RIPOR2: variants seen among roughly 807,000 people sequenced by gnomAD.
RIPOR2 encodes the protein rho family-interacting cell polarization regulator 2.
RIPOR2 carries 39 observed loss-of-function variants against 114.5 expected under a neutral mutation model. That is an observed-to-expected ratio of 0.34 (90% CI 0.26 to 0.44). The LOEUF (loss-of-function observed/expected upper bound fraction) is 0.44, where lower values mean the gene tolerates loss of function less well. RIPOR2 is among the 20% of genes least tolerant of loss of function. The pLI is 1.00. For missense variants in RIPOR2, 1,007 were observed against 1,255.1 expected (o/e 0.80, Z 2.99); for synonymous variants, 445 against 484.4 (o/e 0.92, Z 1.07).
chr6:25,038,729 C>T (rs1777354388), intron 1 of RIPOR2, among the ~76,000 whole-genome samples: 1 of 152,178 alleles, frequency 6.6e-6, no homozygotes, highest in Non-Finnish European at 1.5e-5. Context: ...AGACCCTGAG[C>T]AGAGAATCCA....
intron 1 of RIPOR2, among the ~76,000 whole-genome samples, chr6:24,927,406 CAACTAT>C (rs1561783364): frequency 6.6e-6 from 1 of 151,088 alleles, no homozygotes; most frequent in African/African-American, 2.4e-5. Flanking sequence ...ACCACCACCA[CAACTAT>C]AACTATCACC....
At chr6:24,836,514 T>C (rs1761127338) in intron 14 of RIPOR2, among the ~76,000 whole-genome samples, 1 of 152,204 alleles carries the variant, frequency 6.6e-6, no homozygotes, top group African/African-American at 2.4e-5. Flanking sequence ...CTTGCATTGA[T>C]TATCTAATTT....
intron 8 of RIPOR2, among the ~76,000 whole-genome samples, chr6:24,854,033 C>T (rs1429404958): frequency 6.6e-6 from 1 of 150,654 alleles, no homozygotes; most frequent in Non-Finnish European, 1.5e-5. Flanking sequence ...GTGGGAGGAT[C>T]GCTTGAGCCC....
At chr6:25,004,271 G>GA (rs1313727492) in intron 1 of RIPOR2, among the ~76,000 whole-genome samples, 1 of 152,044 alleles carries the variant, frequency 6.6e-6, no homozygotes, top group Non-Finnish European at 1.5e-5. Flanking sequence ...GATGGATATG[G>GA]AAAAAAAGAA....
intron 1 of RIPOR2, chr6:25,041,797 G>A: frequency 4.4e-6 from 3 of 688,048 alleles, no homozygotes; most frequent in East Asian, 2.7e-5. Context: ...GTGTGTTGCG[G>A]GAAAGTGTGG....
intron 7 of RIPOR2, among the ~76,000 whole-genome samples, chr6:24,862,684 A>G (rs1215232098): frequency 6.6e-6 from 1 of 152,180 alleles, no homozygotes; most frequent in East Asian, 1.9e-4. Context: ...GTTTCCAGAC[A>G]TATCAACTAT....
Position 24,850,653 on chromosome 6 carries a change from A to G in RIPOR2, c.829T>C (p.Trp277Arg). Residue 277 changes from tryptophan to arginine, a missense_variant, in exon 10 of 22, where the codon TGG (tryptophan) becomes CGG (arginine). By Grantham distance (101) the Trp-to-Arg change is moderately radical (BLOSUM62 -3). Coordinates refer to ENST00000643898, the MANE Select transcript of RIPOR2 (RefSeq NM_001286445.3). ...GKIEVNGKQS[W>R]DGEETVFLPL... ...AGAAAAACTGTTTCTTCTCCATCCCAGCTCTGCTTGCCATTTACTTCTATT... is the reference window on the plus strand; with the variant it reads ...AGAAAAACTGTTTCTTCTCCATCCCGGCTCTGCTTGCCATTTACTTCTATT... 6.2e-7 allele frequency: 1 copy of G among 1,613,918 alleles called. No homozygotes were observed. Among genetic ancestry groups the G allele is most frequent in the Non-Finnish European group, 8.5e-7 (1 of 1,179,844 alleles).
chr6:24,826,866 G>A (rs1581503154), intron 18 of RIPOR2, among the ~76,000 whole-genome samples: 1 of 151,590 alleles, frequency 6.6e-6, no homozygotes, highest in Non-Finnish European at 1.5e-5. Flanking sequence ...TAAGAGGAGA[G>A]ATTGGAATTT....
intron 1 of RIPOR2, among the ~76,000 whole-genome samples, chr6:24,972,089 C>G (rs183249662): frequency 6.6e-6 from 1 of 152,216 alleles, no homozygotes; most frequent in East Asian, 1.9e-4. Context: ...CTTGATAGAA[C>G]CAAAACGTTT....
At chr6:24,916,028 A>G (rs1451206613) in intron 1 of RIPOR2, among the ~76,000 whole-genome samples, 1 of 152,238 alleles carries the variant, frequency 6.6e-6, no homozygotes, top group Non-Finnish European at 1.5e-5. Flanking sequence ...TGTTGCCAGT[A>G]GAGAACTCAG....
At chr6:24,870,802 C>T (rs1765087982) in intron 5 of RIPOR2, 64 bp downstream of exon 5, 2 of 1,268,448 alleles carry the variant, frequency 1.6e-6, no homozygotes, top group Non-Finnish European at 2.3e-6. Context: ...GCGTGAGCCA[C>T]CGTGCCCAGC....
intron 1 of RIPOR2, among the ~76,000 whole-genome samples, chr6:24,941,209 G>A (rs1272422458): frequency 2.6e-5 from 4 of 152,040 alleles, no homozygotes; most frequent in Admixed American, 1.3e-4. Flanking sequence ...AGACAATGAC[G>A]GTAATTGCCC....
intron 1 of RIPOR2, among the ~76,000 whole-genome samples, chr6:24,899,404 C>T (rs1416795693): frequency 6.6e-6 from 1 of 152,058 alleles, no homozygotes; most frequent in Non-Finnish European, 1.5e-5. Context: ...CTAGTCAGTC[C>T]AAATCTGAGA....
intron 1 of RIPOR2, among the ~76,000 whole-genome samples, chr6:25,014,627 G>A (rs1775894647): frequency 1.3e-5 from 2 of 152,176 alleles, no homozygotes. Flanking sequence ...ATTAAACAAT[G>A]TGTGTTTCAT....
chr6:24,848,273 G>A, intron 11 of RIPOR2, 119 bp from the exon 12 acceptor site: 3 of 1,069,896 alleles, frequency 2.8e-6, no homozygotes, highest in Middle Eastern at 2.2e-4. Flanking sequence ...GTTCAGAACT[G>A]GGCTGGTTTT....
intron 21 of RIPOR2, among the ~76,000 whole-genome samples, chr6:24,809,241 C>T (rs1173271385): frequency 6.6e-6 from 1 of 152,172 alleles, no homozygotes; most frequent in Admixed American, 6.5e-5. Context: ...TATCAGGGCT[C>T]AGATGGGCAG....
In RIPOR2 at chr6:25,008,252, G is replaced by A. The variant is rs928673832; in HGVS notation, c.76+33599C>T. ...AAGCTGATCTCGAACTCCTGACCTC[G>A]TGAGACACCCGCCTCGGCCTCCCAA... On this transcript the variant is annotated intron_variant, in intron 1 of 13. Coordinates refer to the RIPOR2 transcript ENST00000510784. 5.3e-5 allele frequency among the ~76,000 whole-genome samples: 8 copies of A among 152,044 alleles called. No homozygotes were observed. In the East Asian group the frequency reaches 5.8e-4, roughly 11 times the overall value.
intron 1 of RIPOR2, among the ~76,000 whole-genome samples, chr6:24,981,681 T>C (rs1403939922): frequency 1.3e-5 from 2 of 152,240 alleles, no homozygotes. Flanking sequence ...TCTGGAGCTA[T>C]ATCATCCAGG....
At chr6:25,010,791 T>A (rs1775746344) in intron 1 of RIPOR2, among the ~76,000 whole-genome samples, 1 of 152,182 alleles carries the variant, frequency 6.6e-6, no homozygotes, top group East Asian at 1.9e-4. Flanking sequence ...TCTCTGGTGC[T>A]ACAAGGGACA....
Sources: allele counts gnomAD v4.1 joint callset (sites outside exome capture counted in the v4.1 genomes callset), GRCh38; gene constraint gnomAD v4.1.1; transcripts MANE v1.5; gene names NCBI Gene and HGNC (gene_info 2026-07-23, HGNC 2026-07-21).